Variants in HMGA2 observed in about 807,000 individuals in gnomAD.
HMGA2 encodes the protein high mobility group AT-hook 2, also known as high mobility group protein HMGI-C.
A neutral mutation model predicts 19.1 loss-of-function variants in HMGA2; 8 were observed. That is an observed-to-expected ratio of 0.42 (90% CI 0.25 to 0.76). HMGA2 has a LOEUF of 0.76. Ranked by LOEUF, HMGA2 falls within the 30% of genes least tolerant of loss-of-function variation. The pLI, the probability that HMGA2 is intolerant of heterozygous loss-of-function variation, is 0.28. For missense variants in HMGA2, 109 were observed against 136.3 expected (o/e 0.80, Z 1.00); for synonymous variants, 60 against 48.8 (o/e 1.23, Z -0.96).
In HMGA2 at chr12:65,899,043, C is replaced by CAAAA. The variant is rs751128412; in HGVS notation, c.250-52314_250-52311dup. ...TGGGCAACAGAGCGAGACTCCGTCT[C>CAAAA]AAAAAAAAAAAAAAAAAAAAAAAAA... On this transcript the variant is annotated intron_variant, in intron 3 of 4. Transcript: ENST00000403681. Among the ~76,000 whole-genome samples, 31 of 25,320 alleles carry CAAAA rather than the reference C, an allele frequency of 1.2e-3. 1 individual carries two copies. Among genetic ancestry groups the CAAAA allele is most frequent in the African/African-American group, 1.7e-3 (19 of 11,150 alleles). 16.6% of individuals were successfully genotyped at this position (25,320 alleles called of 152,430 possible). A position where few individuals can be genotyped will look rare whatever the true frequency, so the allele number is the denominator to read the frequency against.
chr12:65,841,041 G>T (rs1351783258), intron 3 of HMGA2, among the ~76,000 whole-genome samples: 1 of 152,118 alleles, frequency 6.6e-6, no homozygotes, highest in African/African-American at 2.4e-5. Context: ...GTACTTCGAA[G>T]TCATTCAGTT....
chr12:65,866,284 C>T (rs189251913), intron 3 of HMGA2, among the ~76,000 whole-genome samples: 200 of 152,112 alleles, frequency 1.3e-3, no homozygotes, highest in African/African-American at 4.5e-3. Context: ...TAAATGACGG[C>T]GTAGTTATTA....
intron 3 of HMGA2, among the ~76,000 whole-genome samples, chr12:65,848,579 G>A (rs1287498616): frequency 6.6e-6 from 1 of 152,168 alleles, no homozygotes; most frequent in African/African-American, 2.4e-5. Flanking sequence ...GTTTAAGGCC[G>A]GGTGCGGTGG....
chr12:65,845,324 A>G (rs1871188224), intron 3 of HMGA2, among the ~76,000 whole-genome samples: 1 of 152,192 alleles, frequency 6.6e-6, no homozygotes, highest in Admixed American at 6.5e-5. Flanking sequence ...GTTGGAGTGC[A>G]GTGGCAAAAT....
At chr12:65,888,111 C>T (rs1873736488) in intron 3 of HMGA2, among the ~76,000 whole-genome samples, 1 of 152,048 alleles carries the variant, frequency 6.6e-6, no homozygotes, top group South Asian at 2.1e-4. Context: ...GGTTTGGGAA[C>T]ATAGGATATA....
Position 65,825,191 on chromosome 12 carries a change from A to C in HMGA2, c.-80A>C, listed in dbSNP as rs2120806317. 4 of 1,282,054 alleles carry C rather than the reference A, an allele frequency of 3.1e-6. No homozygotes were observed. The East Asian group carries it at 1.1e-4, about 36-fold the overall frequency. 79.4% of individuals were successfully genotyped at this position (1,282,054 alleles called of 1,614,324 possible). A position where few individuals can be genotyped will look rare whatever the true frequency, so the allele number is the denominator to read the frequency against. ...CCGGCGTCCCCAGCCCTATCACCTCATCTCCCGAAAGGTGCTGGGCAGCTC... is the reference window on the plus strand; with the variant it reads ...CCGGCGTCCCCAGCCCTATCACCTCCTCTCCCGAAAGGTGCTGGGCAGCTC... On this transcript the variant is annotated 5_prime_UTR_variant, in exon 1 of 5. Transcript: ENST00000403681. This position sits in a 1 kb window ranked among gnomAD's most constrained non-coding sequence, Gnocchi z 4.4.
At chr12:65,936,018 C>T (rs747872333) in intron 3 of HMGA2, among the ~76,000 whole-genome samples, 7 of 152,162 alleles carry the variant, frequency 4.6e-5, no homozygotes, top group Non-Finnish European at 7.4e-5. Context: ...AGGGAATTCT[C>T]ATACATGTCT....
chr12:65,890,427 C>T (rs1873852711), intron 3 of HMGA2, among the ~76,000 whole-genome samples: 1 of 152,142 alleles, frequency 6.6e-6, no homozygotes, highest in Non-Finnish European at 1.5e-5. Context: ...TTAATATATT[C>T]TTGTGATTTG....
chr12:65,825,167 C>A lies in HMGA2; in HGVS notation c.-104C>A. ...GCCCGCCAGCTCGCGCTCGCCCCGC[C>A]GGCGTCCCCAGCCCTATCACCTCAT... On this transcript the variant is annotated 5_prime_UTR_variant, in exon 1 of 5. Transcript: ENST00000403681. The surrounding 1 kb of genome is among the most constrained non-coding windows in gnomAD (Gnocchi z 4.4). 1 of 991,074 alleles carries A rather than the reference C, an allele frequency of 1.0e-6. No individual in the cohort carries two copies. Among genetic ancestry groups the A allele is most frequent in the Non-Finnish European group, 1.4e-6 (1 of 702,920 alleles). The allele number at this position is 991,074 out of a possible 1,614,324, so 61.4% of individuals were successfully genotyped here.
At chr12:65,910,585 C>A (rs1874801485) in intron 3 of HMGA2, among the ~76,000 whole-genome samples, 1 of 152,266 alleles carries the variant, frequency 6.6e-6, no homozygotes, top group South Asian at 2.1e-4. Flanking sequence ...GCTGTTTTTC[C>A]TTTGCTCCTG....
intron 3 of HMGA2, among the ~76,000 whole-genome samples, chr12:65,842,434 T>TAC (rs1318970056): frequency 6.6e-6 from 1 of 152,208 alleles, no homozygotes; most frequent in East Asian, 1.9e-4. Flanking sequence ...CACCAGTAGT[T>TAC]ACACATAGAA....
At chr12:65,931,951 T>C (rs1278406861) in intron 3 of HMGA2, among the ~76,000 whole-genome samples, 1 of 152,228 alleles carries the variant, frequency 6.6e-6, no homozygotes, top group Non-Finnish European at 1.5e-5. Context: ...GTGTAAGCTA[T>C]GTAAACTTGG....
chr12:65,887,360 G>A (rs1873700834), intron 3 of HMGA2, among the ~76,000 whole-genome samples: 1 of 152,140 alleles, frequency 6.6e-6, no homozygotes, highest in Non-Finnish European at 1.5e-5. Flanking sequence ...GGCTGAGATG[G>A]GTCGATCACC....
At chr12:65,846,222 T>A (rs1871229495) in intron 3 of HMGA2, among the ~76,000 whole-genome samples, 1 of 152,260 alleles carries the variant, frequency 6.6e-6, no homozygotes, top group Non-Finnish European at 1.5e-5. Context: ...TAAAAAGTCT[T>A]TTTCAGGATG....
intron 3 of HMGA2, among the ~76,000 whole-genome samples, chr12:65,848,825 C>T (rs374459807): frequency 6.6e-6 from 1 of 151,858 alleles, no homozygotes; most frequent in African/African-American, 2.4e-5. Flanking sequence ...CACTGCAGTC[C>T]GCAGTCCGAC....
chr12:65,924,225 C>T (rs1240260445), intron 3 of HMGA2, among the ~76,000 whole-genome samples: 2 of 152,164 alleles, frequency 1.3e-5, no homozygotes, highest in Non-Finnish European at 2.9e-5. Context: ...TTAAAATGAA[C>T]CAACTTAGAA....
chr12:65,887,771 T>A (rs1301024586), intron 3 of HMGA2, among the ~76,000 whole-genome samples: 1 of 152,096 alleles, frequency 6.6e-6, no homozygotes, highest in Non-Finnish European at 1.5e-5. Flanking sequence ...AAATCTTACC[T>A]TCTATAATTA....
intron 3 of HMGA2, among the ~76,000 whole-genome samples, chr12:65,872,436 G>A (rs1209980814): frequency 6.6e-6 from 1 of 152,094 alleles, no homozygotes; most frequent in Non-Finnish European, 1.5e-5. Context: ...TTCATTCCAT[G>A]TGTTCATTCT....
chr12:65,957,385 A>G (rs1018617318), intron 4 of HMGA2: 2 of 152,070 alleles, frequency 1.3e-5, no homozygotes, highest in Admixed American at 1.3e-4. Context: ...CATGCCTGTT[A>G]TCCCAGCACT....
Sources: gnomAD v4.1 joint callset for allele counts (sites outside exome capture counted in the v4.1 genomes callset) on GRCh38, gnomAD v4.1.1 for gene constraint, Gnocchi (gnomAD v3.1) non-coding constraint, MANE v1.5 for transcripts, NCBI Gene and HGNC (gene_info 2026-07-23, HGNC 2026-07-21) for gene names.